Variants in ARHGEF6 observed in about 807,000 individuals in gnomAD.
ARHGEF6 encodes Rac/Cdc42 guanine nucleotide exchange factor 6.
A neutral mutation model predicts 70.3 loss-of-function variants in ARHGEF6; 9 were observed. The ratio of observed to expected loss-of-function variants is 0.13; its 90% CI spans 0.08 to 0.22. The LOEUF (loss-of-function observed/expected upper bound fraction) is 0.22. Ranked by LOEUF, ARHGEF6 falls within the 10% of genes least tolerant of loss-of-function variation. ARHGEF6 has a pLI of 1.00. For missense variants in ARHGEF6, 470 were observed against 563.0 expected (o/e 0.83, Z 1.67); for synonymous variants, 201 against 207.8 (o/e 0.97, Z 0.28).
At chrX:136,703,403 A>C in intron 9 of ARHGEF6, among the ~76,000 whole-genome samples, 1 of 112,617 alleles carries the variant, frequency 8.9e-6, no homozygotes, top group Middle Eastern at 4.6e-3. Context: ...ATTTTTTACA[A>C]ATTGAAGTTT....
intron 6 of ARHGEF6, among the ~76,000 whole-genome samples, chrX:136,726,797 T>G (rs1843324413): frequency 8.9e-6 from 1 of 112,836 alleles, no homozygotes; most frequent in African/African-American, 3.2e-5. Context: ...AATACCACCT[T>G]TCACTCTGCA....
rs747132755 is a variant in ARHGEF6 at position 136,676,637 on chromosome X, A to G, written c.1932T>C (p.Tyr644=). The change falls in exon 18 of 22, where the codon TAT becomes TAC. Residue 644 remains tyrosine (Y), a synonymous_variant. Transcript: ENST00000250617. The part of the protein sequence containing the change: ...KTERKPSEEE[Y]VIRKSTAALE... ...CAAAACACATACTTTTCCTAATCAC[A>G]TATTCCTCCTCCGATGGTTTTCTCT... 5.2e-5 allele frequency: 62 copies of G among 1,201,696 alleles called. No homozygotes were observed. Among genetic ancestry groups the G allele is most frequent in the Non-Finnish European group, 6.6e-5 (59 of 887,443 alleles).
chrX:136,689,537 A>G (rs761230691), intron 10 of ARHGEF6, among the ~76,000 whole-genome samples: 54 of 112,309 alleles, frequency 4.8e-4, no homozygotes, highest in Non-Finnish European at 7.9e-4. Flanking sequence ...AAAGGCATCC[A>G]GAGGTCAACA....
At chrX:136,710,442 C>A (rs1324671521) in intron 7 of ARHGEF6, among the ~76,000 whole-genome samples, 1 of 106,440 alleles carries the variant, frequency 9.4e-6, no homozygotes. Flanking sequence ...ACCAGTAACT[C>A]TGAGAGAATA....
At chrX:136,773,353 G>A (rs779113914) in intron 2 of ARHGEF6, among the ~76,000 whole-genome samples, 1 of 112,019 alleles carries the variant, frequency 8.9e-6, no homozygotes, top group African/African-American at 3.2e-5. Context: ...CTTTGGGCCC[G>A]AGAGAGACTC....
intron 2 of ARHGEF6, among the ~76,000 whole-genome samples, chrX:136,761,286 C>A (rs1335241206): frequency 8.9e-6 from 1 of 111,946 alleles, no homozygotes; most frequent in African/African-American, 3.2e-5. Flanking sequence ...AGAACTCTTA[C>A]AAGGAGTTCC....
chrX:136,668,512 TTTCTTC>T (rs546433801), intron 21 of ARHGEF6, among the ~76,000 whole-genome samples: 33 of 98,396 alleles, frequency 3.4e-4, no homozygotes, highest in East Asian at 6.2e-4. Context: ...CAGCCTGGTA[TTTCTTC>T]TTCTTCTTCT....
In ARHGEF6 at chrX:136,725,827, T is replaced by C. The variant is rs915271988; in HGVS notation, c.732+6275A>G. On this transcript the variant is annotated intron_variant, in intron 6 of 21. Transcript: ENST00000250617. ...ACCTTTGCCTGAATTCAGAATAAAA[T>C]AGACAGTGAGAAACCACAGGAAAAA... Among the ~76,000 whole-genome samples the C allele has an allele frequency of 5.4e-5, 6 of 111,590 alleles. No individual in the cohort carries two copies. The South Asian group carries it at 1.9e-3, about 35-fold the overall frequency.
intron 6 of ARHGEF6, among the ~76,000 whole-genome samples, chrX:136,713,812 A>T (rs1044233446): frequency 8.9e-6 from 1 of 112,225 alleles, no homozygotes; most frequent in African/African-American, 3.2e-5. Context: ...CATGTGCTGT[A>T]AATGATTTTA....
At chrX:136,777,761 TACACAC>T (rs376800070) in intron 2 of ARHGEF6, among the ~76,000 whole-genome samples, 4 of 98,486 alleles carry the variant, frequency 4.1e-5, no homozygotes, top group Non-Finnish European at 8.2e-5. Flanking sequence ...TATGTATACA[TACACAC>T]ACACACACAC....
At chrX:136,674,270 C>A (rs2076255581) in intron 19 of ARHGEF6, among the ~76,000 whole-genome samples, 1 of 112,531 alleles carries the variant, frequency 8.9e-6, no homozygotes, top group African/African-American at 3.2e-5. Flanking sequence ...CACTGGATGT[C>A]CAAAATGGAG....
rs754999971 is a variant in ARHGEF6 at position 136,705,044 on chromosome X, G to GT, written c.1046+1863dup. On this transcript the variant is annotated intron_variant, in intron 9 of 21. Transcript: ENST00000250617. The stretch of plus-strand genomic sequence containing the variant: ...GCTGTTGTTGTTTTGTTTTTGTTTT[G>GT]TTTTTTGTCTGAGGCAGAGTCTTGC... 1.9e-4 allele frequency among the ~76,000 whole-genome samples: 21 copies of GT among 111,528 alleles called. No homozygotes were observed. The East Asian group carries it at 2.5e-3, about 14-fold the overall frequency.
intron 6 of ARHGEF6, among the ~76,000 whole-genome samples, chrX:136,720,404 A>T (rs2076783116): frequency 9.0e-6 from 1 of 111,508 alleles, no homozygotes; most frequent in Non-Finnish European, 1.9e-5. Context: ...GTATCAACAG[A>T]TGCAGAAAAG....
intron 8 of ARHGEF6, among the ~76,000 whole-genome samples, chrX:136,708,239 G>A (rs1434162084): frequency 9.1e-6 from 1 of 110,477 alleles, no homozygotes; most frequent in African/African-American, 3.3e-5. Context: ...GGGAGGGAGA[G>A]CATTAGGACA....
Position 136,727,395 on chromosome X carries a change from T to TTCTC in ARHGEF6, c.732+4703_732+4706dup, listed in dbSNP as rs1188095168. 1.7e-3 allele frequency among the ~76,000 whole-genome samples: 90 copies of TTCTC among 53,582 alleles called. 1 individual carries two copies. The highest frequency in any genetic ancestry group is 1.9e-3 in the Non-Finnish European group (55 of 28,792). 46.5% of individuals were successfully genotyped at this position (53,582 alleles called of 115,157 possible). On this transcript the variant is annotated intron_variant, in intron 6 of 21. Transcript: ENST00000250617. Reference sequence around the variant, plus strand: ...TTTCTTTCTTTCTTTCTTTCTTTCTTTCTCTCTCTCTCTCTCTCTTTCTTT... The same window carrying TTCTC: ...TTTCTTTCTTTCTTTCTTTCTTTCTTTCTCTCTCTCTCTCTCTCTCTCTTTCTTT...
At chrX:136,776,916 T>TAAAG (rs1395406551) in intron 2 of ARHGEF6, among the ~76,000 whole-genome samples, 1 of 104,809 alleles carries the variant, frequency 9.5e-6, no homozygotes, top group Non-Finnish European at 1.9e-5. Context: ...AATAAATAAA[T>TAAAG]AAAGTAGAAA....
chrX:136,721,171 T>C (rs2076792655), intron 6 of ARHGEF6, among the ~76,000 whole-genome samples: 1 of 112,347 alleles, frequency 8.9e-6, no homozygotes, highest in Non-Finnish European at 1.9e-5. Flanking sequence ...AACCAGTATG[T>C]TGAAGAGATA....
intron 2 of ARHGEF6, among the ~76,000 whole-genome samples, chrX:136,751,908 T>C (rs1002611555): frequency 9.0e-6 from 1 of 111,626 alleles, no homozygotes; most frequent in Non-Finnish European, 1.9e-5. Context: ...AGCAAGCCCA[T>C]GATGTCAGTA....
At chrX:136,727,356 T>G (rs1206116487) in intron 6 of ARHGEF6, among the ~76,000 whole-genome samples, 2 of 58,953 alleles carry the variant, frequency 3.4e-5, no homozygotes, top group Non-Finnish European at 6.2e-5. Context: ...TTTCTTTCTT[T>G]CTTTCTTTCT....
Sources: allele counts gnomAD v4.1 joint callset (sites outside exome capture counted in the v4.1 genomes callset), GRCh38; gene constraint gnomAD v4.1.1; transcripts MANE v1.5; gene names NCBI Gene and HGNC (gene_info 2026-07-23, HGNC 2026-07-21).